The following RIMOC1 variants were observed in gnomAD, a reference collection of about 807,000 sequenced individuals.
RIMOC1 encodes RAB7A-interacting MON1-CCZ1 complex subunit 1.
chr5:41,918,890 T>C, the RIMOC1 span: 10 of 329,832 alleles, frequency 3.0e-5, no homozygotes. Context: ...AAGGCGACTC[T>C]GTGCTACATG....
chr5:41,911,700 T>C, the RIMOC1 span, among the ~76,000 whole-genome samples: 2 of 152,202 alleles, frequency 1.3e-5, no homozygotes, highest in African/African-American at 4.8e-5. Context: ...AAAAGTTTGA[T>C]CATAATATTT....
At chr5:41,910,564 T>A in the RIMOC1 span, among the ~76,000 whole-genome samples, 1 of 151,926 alleles carries the variant, frequency 6.6e-6, no homozygotes, top group South Asian at 2.1e-4. Context: ...TTAGATATAT[T>A]TTTTTTCTCT....
At chr5:41,914,372 G>A in the RIMOC1 span, among the ~76,000 whole-genome samples, 1 of 151,842 alleles carries the variant, frequency 6.6e-6, no homozygotes, top group African/African-American at 2.4e-5. Flanking sequence ...AGAAGTTTGC[G>A]CTTGAACCTA....
chr5:41,908,741 C>A, the RIMOC1 span, among the ~76,000 whole-genome samples: 1 of 151,954 alleles, frequency 6.6e-6, no homozygotes, highest in African/African-American at 2.4e-5. Flanking sequence ...ATTTTTTTCA[C>A]GAGAGTGTTC....
chr5:41,912,079 A>T, the RIMOC1 span: 1 of 1,598,230 alleles, frequency 6.3e-7, no homozygotes, highest in Non-Finnish European at 8.6e-7. Flanking sequence ...TACCTTCTTG[A>T]TGGAATCAGT....
At chr5:41,907,690 A>C in the RIMOC1 span, 4 of 1,201,396 alleles carry the variant, frequency 3.3e-6, no homozygotes, top group Non-Finnish European at 4.8e-6. Context: ...TTTAAATAAC[A>C]CTCTGAAACT....
the RIMOC1 span, chr5:41,917,944 G>T: frequency 1.1e-6 from 1 of 930,294 alleles, no homozygotes; most frequent in Non-Finnish European, 1.3e-6. Context: ...AAAAGACAAT[G>T]CATGGCTTTT....
the RIMOC1 span, chr5:41,917,543 A>T: frequency 2.1e-5 from 25 of 1,162,954 alleles, no homozygotes; most frequent in Non-Finnish European, 2.5e-5. Flanking sequence ...TACAGATGTT[A>T]TGTCACTAAT....
chr5:41,917,295 ACTAGTAAGTTCAT>A, the RIMOC1 span: 63 of 1,605,688 alleles, frequency 3.9e-5, no homozygotes, highest in Non-Finnish European at 5.3e-5. Flanking sequence ...CATCGCTGTA[ACTAGTAAGTTCAT>A]CTAGTCCTTT....
At chr5:41,910,154 C>T in the RIMOC1 span, among the ~76,000 whole-genome samples, 1 of 151,908 alleles carries the variant, frequency 6.6e-6, no homozygotes, top group Non-Finnish European at 1.5e-5. Flanking sequence ...ATTCCCATTT[C>T]GACCCCCTTT....
the RIMOC1 span, chr5:41,904,562 C>G: frequency 8.3e-7 from 1 of 1,197,926 alleles, no homozygotes; most frequent in African/African-American, 1.5e-5. Flanking sequence ...GGCCTGTGTT[C>G]CTTTGGGTCC....
At chr5:41,921,012 C>T in the RIMOC1 span, 3 of 152,496 alleles carry the variant, frequency 2.0e-5, no homozygotes, top group African/African-American at 7.2e-5. Context: ...GTTAACTAGG[C>T]TTTTAGACTT....
chr5:41,904,489 A>C, the RIMOC1 span: 1 of 1,608,996 alleles, frequency 6.2e-7, no homozygotes, highest in Non-Finnish European at 8.5e-7. Flanking sequence ...GAGGAGAGGG[A>C]GGCGGGCGGG....
chr5:41,909,013 C>T, the RIMOC1 span, among the ~76,000 whole-genome samples: 27,345 of 151,984 alleles, frequency 0.18, 2,631 homozygotes, highest in Middle Eastern at 0.29. Flanking sequence ...ATTTTTTACT[C>T]CAACAAGGAA....
chr5:41,910,815 T>A, the RIMOC1 span, among the ~76,000 whole-genome samples: 50 of 152,260 alleles, frequency 3.3e-4, 1 homozygote, highest in African/African-American at 9.4e-4. Context: ...AAATATTTTT[T>A]AAATTATTTT....
At chr5:41,908,519 A>G in the RIMOC1 span, 1 of 152,126 alleles carries the variant, frequency 6.6e-6, no homozygotes, top group Non-Finnish European at 1.5e-5. Flanking sequence ...TAGGCTTCCA[A>G]AGTGCCCATT....
At chr5:41,906,177 G>A in the RIMOC1 span, among the ~76,000 whole-genome samples, 11 of 152,122 alleles carry the variant, frequency 7.2e-5, no homozygotes, top group African/African-American at 1.4e-4. Context: ...CTAAGAATGC[G>A]TCTTTAAATT....
the RIMOC1 span, chr5:41,910,015 G>T: frequency 1.3e-6 from 1 of 761,362 alleles, no homozygotes; most frequent in South Asian, 2.0e-5. Flanking sequence ...ATTGGAAGAG[G>T]GAGATAAAAG....
the RIMOC1 span, among the ~76,000 whole-genome samples, chr5:41,914,171 T>C: frequency 1.3e-5 from 2 of 152,142 alleles, no homozygotes; most frequent in African/African-American, 2.4e-5. Context: ...AAGCATGTAA[T>C]ATTGGTGGCG....
Sources: allele counts gnomAD v4.1 joint callset (sites outside exome capture counted in the v4.1 genomes callset), GRCh38; gene constraint gnomAD v4.1.1; transcripts MANE v1.5; gene names NCBI Gene and HGNC (gene_info 2026-07-23, HGNC 2026-07-21).